KCNT2: variants seen among roughly 807,000 people sequenced by gnomAD.
KCNT2 encodes potassium channel subfamily T member 2.
A neutral mutation model predicts 153.8 loss-of-function variants in KCNT2; 67 were observed. The observed-to-expected ratio is 0.44, with a 90% CI of 0.36 to 0.53. The LOEUF is 0.53. Among genes scored for constraint, KCNT2 ranks in the 20% least tolerant of loss-of-function variants. The probability of loss-of-function intolerance (pLI) is 0.00; values close to 1 mark genes in which losing one functional copy is unlikely to be tolerated. For synonymous variants in KCNT2, 500 were observed against 458.8 expected (o/e 1.09, Z -1.15); for missense variants, 975 against 1,354.8 (o/e 0.72, Z 4.40).
intron 12 of KCNT2, 50 bp from the exon 13 acceptor site, chr1:196,398,721 A>G (rs986274160): frequency 1.0e-6 from 1 of 965,234 alleles, no homozygotes; most frequent in African/African-American, 1.6e-5. Flanking sequence ...AATGTTTATA[A>G]CATATAAAGT....
intron 1 of KCNT2, among the ~76,000 whole-genome samples, chr1:196,585,179 G>A (rs112628835): frequency 2.2e-4 from 33 of 152,060 alleles, no homozygotes; most frequent in Admixed American, 1.0e-3. Context: ...AATAATAAGC[G>A]CAAAAACTGA....
At position 196,431,885 on chromosome 1, in the gene KCNT2, A is replaced by T. The variant is rs1674183485; in HGVS notation, c.639-2128T>A. 3.3e-5 allele frequency among the ~76,000 whole-genome samples: 5 copies of T among 152,206 alleles called. No homozygotes were observed. The South Asian group carries it at 8.3e-4, about 25-fold the overall frequency. On this transcript the variant is annotated intron_variant, in intron 8 of 27. Coordinates refer to ENST00000294725, the MANE Select transcript of KCNT2 (RefSeq NM_198503.5). ...GTCCAAGCAACTATGTGATAAGGAG[A>T]CTCTTGTAAGATAAAAGGAAGCCAG...
intron 8 of KCNT2, among the ~76,000 whole-genome samples, chr1:196,440,749 A>G (rs556325155): frequency 6.6e-6 from 1 of 152,026 alleles, no homozygotes; most frequent in Admixed American, 6.6e-5. Flanking sequence ...CTTAAAATAC[A>G]ACATTTAAAA....
chr1:196,368,673 T>C (rs1668243765), intron 14 of KCNT2, among the ~76,000 whole-genome samples: 1 of 152,182 alleles, frequency 6.6e-6, no homozygotes, highest in African/African-American at 2.4e-5. Context: ...AGTGTTATTT[T>C]ATTATGCTAT....
At chr1:196,526,918 C>A (rs956429876) in intron 1 of KCNT2, among the ~76,000 whole-genome samples, 7 of 152,108 alleles carry the variant, frequency 4.6e-5, no homozygotes, top group Non-Finnish European at 8.8e-5. Flanking sequence ...CAGTCTGTGA[C>A]CTGTTAGGCC....
At chr1:196,231,511 GA>G (rs993436888) in intron 27 of KCNT2, among the ~76,000 whole-genome samples, 5 of 149,898 alleles carry the variant, frequency 3.3e-5, no homozygotes, top group South Asian at 2.1e-4. Context: ...TATAATGGAA[GA>G]AAAAAAAAGA....
In KCNT2 at chr1:196,326,731, C is replaced by T. The variant is rs753449350; in HGVS notation, c.2262G>A (p.Leu754=). The T allele has an allele frequency of 1.7e-5, 26 of 1,521,290 alleles. No homozygotes were observed. In the African/African-American group the frequency reaches 2.2e-4, roughly 13 times the overall value. The allele number at this position is 1,521,290 out of a possible 1,614,324, so 94.2% of individuals were successfully genotyped here. A position where few individuals can be genotyped will look rare whatever the true frequency, so the allele number is the denominator to read the frequency against. The change falls in exon 19 of 28, where the codon CTG becomes CTA. Residue 754 remains leucine (L), a synonymous_variant. Transcript: ENST00000294725. The part of the protein sequence containing the change: ...RPKKELNPIV[L]LLDNPPDMHF... ...AATATACTTACGGGTTATCCAATAG[C>T]AGTACTATGGGATTAAGTTCTTTCT...
intron 1 of KCNT2, among the ~76,000 whole-genome samples, chr1:196,540,573 T>C (rs575707180): frequency 6.6e-6 from 1 of 152,248 alleles, no homozygotes; most frequent in South Asian, 2.1e-4. Context: ...AACAAAACTT[T>C]AAACACATAA....
chr1:196,433,742 G>A (rs1017995915), intron 8 of KCNT2, among the ~76,000 whole-genome samples: 2 of 151,748 alleles, frequency 1.3e-5, no homozygotes, highest in Non-Finnish European at 2.9e-5. Flanking sequence ...TTCCTTTTCC[G>A]GCCTTTTAAG....
At chr1:196,570,598 A>T (rs996972533) in intron 1 of KCNT2, among the ~76,000 whole-genome samples, 1 of 152,118 alleles carries the variant, frequency 6.6e-6, no homozygotes, top group African/African-American at 2.4e-5. Flanking sequence ...AATACTTTAT[A>T]CATGTTATAA....
intron 1 of KCNT2, among the ~76,000 whole-genome samples, chr1:196,521,316 T>G (rs1239367155): frequency 1.3e-5 from 2 of 152,166 alleles, no homozygotes; most frequent in Non-Finnish European, 1.5e-5. Context: ...GGTGAGGTTG[T>G]GGAGAAAAGA....
Position 196,489,871 on chromosome 1 carries a change from A to G in KCNT2, c.242T>C (p.Val81Ala). ...LLSCLLYIIR[V>A]LLENPSQGNE... ...TCCTTGTGAAGGGTTTTCTAGTAGT[A>G]CTCGGATTATGTATAATAAGCAGCT... is the stretch of plus-strand genomic sequence containing the variant. Residue 81 changes from valine to alanine, a missense_variant, in exon 3 of 28, where the codon GTA becomes GCA. Val to Ala is a moderately conservative substitution (Grantham distance 64, BLOSUM62 0). Coordinates refer to ENST00000294725, the MANE Select transcript of KCNT2 (RefSeq NM_198503.5). 6.3e-7 allele frequency: 1 copy of G among 1,590,574 alleles called. No homozygotes were observed. Among genetic ancestry groups the G allele is most frequent in the Non-Finnish European group, 8.6e-7 (1 of 1,167,358 alleles).
At chr1:196,592,735 A>G (rs970467475) in intron 1 of KCNT2, among the ~76,000 whole-genome samples, 3 of 147,466 alleles carry the variant, frequency 2.0e-5, no homozygotes, top group African/African-American at 7.4e-5. Flanking sequence ...ATACATATAT[A>G]TATATAGTCA....
intron 1 of KCNT2, among the ~76,000 whole-genome samples, chr1:196,541,951 C>T (rs540203893): frequency 2.6e-4 from 40 of 151,802 alleles, no homozygotes; most frequent in African/African-American, 9.2e-4. Context: ...ATTCCCTTTT[C>T]CAGATAAAAT....
chr1:196,431,407 G>T (rs1172324759), intron 8 of KCNT2, among the ~76,000 whole-genome samples: 1 of 152,062 alleles, frequency 6.6e-6, no homozygotes, highest in African/African-American at 2.4e-5. Context: ...TTTGGTGAAG[G>T]CTCAGAAGAA....
At chr1:196,523,995 T>C (rs748719951) in intron 1 of KCNT2, among the ~76,000 whole-genome samples, 5 of 152,202 alleles carry the variant, frequency 3.3e-5, no homozygotes, top group Admixed American at 1.3e-4. Flanking sequence ...ACAGATCAGA[T>C]AGCACAAAGA....
At chr1:196,392,042 G>A (rs776266502) in intron 13 of KCNT2, among the ~76,000 whole-genome samples, 7 of 151,316 alleles carry the variant, frequency 4.6e-5, no homozygotes, top group Non-Finnish European at 1.0e-4. Flanking sequence ...TTTTAGCATT[G>A]TTATGTAGCA....
chr1:196,400,746 A>G (rs1671340114), intron 12 of KCNT2, among the ~76,000 whole-genome samples: 1 of 151,858 alleles, frequency 6.6e-6, no homozygotes, highest in Admixed American at 6.6e-5. Context: ...TCAATATGAA[A>G]GAATAAGCTC....
intron 1 of KCNT2, among the ~76,000 whole-genome samples, chr1:196,503,784 A>G (rs2148773069): frequency 1.3e-5 from 2 of 152,246 alleles, no homozygotes; most frequent in Middle Eastern, 3.4e-3. Flanking sequence ...TCTTTTTTTT[A>G]ACTTAACACT....
Sources: allele counts gnomAD v4.1 joint callset (sites outside exome capture counted in the v4.1 genomes callset), GRCh38; gene constraint gnomAD v4.1.1; transcripts MANE v1.5; gene names NCBI Gene and HGNC (gene_info 2026-07-23, HGNC 2026-07-21).